TSC22D3: variants seen among roughly 807,000 people sequenced by gnomAD.
TSC22D3 encodes TSC22 domain family member 3.
TSC22D3 carries 4 observed loss-of-function variants against 11.1 expected under a neutral mutation model. That is an observed-to-expected ratio of 0.36 (90% CI 0.18 to 0.83). TSC22D3 has a LOEUF of 0.83. TSC22D3 is among the 40% of genes least tolerant of loss of function. The pLI, the probability that TSC22D3 is intolerant of heterozygous loss-of-function variation, is 0.48. For missense variants in TSC22D3, 118 were observed against 159.4 expected (o/e 0.74, Z 1.40); for synonymous variants, 77 against 70.3 (o/e 1.10, Z -0.48).
At chrX:107,726,559 G>A (rs1444656329) in intron 1 of TSC22D3, among the ~76,000 whole-genome samples, 3 of 112,812 alleles carry the variant, frequency 2.7e-5, no homozygotes, top group African/African-American at 9.7e-5. Flanking sequence ...CCAAGGACAG[G>A]GTTCTTTTAA....
At chrX:107,748,066 G>A (rs949443541) in intron 1 of TSC22D3, among the ~76,000 whole-genome samples, 6 of 111,446 alleles carry the variant, frequency 5.4e-5, no homozygotes, top group African/African-American at 1.3e-4. Context: ...CACTGCCCAC[G>A]GCCTTCTTCA....
chrX:107,727,991 A>G (rs1467132038), intron 1 of TSC22D3, among the ~76,000 whole-genome samples: 1 of 111,925 alleles, frequency 8.9e-6, no homozygotes, highest in Admixed American at 9.5e-5. Flanking sequence ...GTCAGACAGG[A>G]CCACGACTGA....
intron 1 of TSC22D3, among the ~76,000 whole-genome samples, chrX:107,749,178 TACACACAC>T (rs61681572): frequency 0.073 from 6,394 of 87,136 alleles, 234 homozygotes; most frequent in Middle Eastern, 0.2. Context: ...CTACTAAAAA[TACACACAC>T]ACACACACAC....
At chrX:107,757,177 C>T (rs770239792) in intron 1 of TSC22D3, among the ~76,000 whole-genome samples, 69 of 112,802 alleles carry the variant, frequency 6.1e-4, no homozygotes, top group African/African-American at 2.2e-3. Flanking sequence ...CGTGTCCACC[C>T]TCTGGGAGTG....
chrX:107,715,807 A>C, intron 2 of TSC22D3, 92 bp downstream of exon 2: 1 of 1,096,179 alleles, frequency 9.1e-7, no homozygotes, highest in Non-Finnish European at 1.3e-6. Flanking sequence ...GTTTTGGCTA[A>C]GGGCTTTTTC....
At chrX:107,717,175 T>C in intron 1 of TSC22D3, 1 of 643,912 alleles carries the variant, frequency 1.6e-6, no homozygotes, top group Non-Finnish European at 1.9e-6. Flanking sequence ...TTAAACCACA[T>C]CCCCTCCCTG....
chrX:107,741,369 G>A (rs1928394395), intron 1 of TSC22D3, among the ~76,000 whole-genome samples: 1 of 112,438 alleles, frequency 8.9e-6, no homozygotes, highest in South Asian at 3.7e-4. Context: ...CCACACCCCA[G>A]CAAGGGGAGA....
chrX:107,715,934 C>T lies in TSC22D3; in HGVS notation c.337G>A (p.Val113Met). 8.3e-7 allele frequency: 1 copy of T among 1,211,399 alleles called. No individual in the cohort carries two copies. The highest frequency in any genetic ancestry group is 1.8e-5 in the South Asian group (1 of 56,961). Residue 113 changes from valine to methionine, a missense_variant, in exon 2 of 3, where the codon GTG becomes ATG. Physicochemically the swap from Val to Met is conservative, Grantham distance 21. Coordinates refer to ENST00000372383, the MANE Select transcript of TSC22D3 (RefSeq NM_198057.3). ...TCGATCTTGTTGTCTATGGCCACCACGCTGGCTCCGGAGGCACTGCCAAGA... is the reference window on the plus strand; with the variant it reads ...TCGATCTTGTTGTCTATGGCCACCATGCTGGCTCCGGAGGCACTGCCAAGA... Reference protein sequence around the residue: ...LFFHSASGASVVAIDNKIEQA... With the variant: ...LFFHSASGASMVAIDNKIEQA...
chrX:107,718,441 T>A (rs1436021720), intron 1 of TSC22D3, among the ~76,000 whole-genome samples: 2 of 112,776 alleles, frequency 1.8e-5, no homozygotes, highest in Admixed American at 1.9e-4. Flanking sequence ...CAAAGAAAGA[T>A]CCTAACGCAA....
intron 1 of TSC22D3, chrX:107,716,536 C>G: frequency 2.1e-6 from 2 of 961,936 alleles, no homozygotes; most frequent in Middle Eastern, 4.6e-4. Context: ...TGACCCCCCC[C>G]TTCCTGCGTC....
At chrX:107,772,423 G>A (rs934678606) in intron 1 of TSC22D3, among the ~76,000 whole-genome samples, 1 of 112,135 alleles carries the variant, frequency 8.9e-6, no homozygotes, top group Non-Finnish European at 1.9e-5. Flanking sequence ...CTTAGGAGAA[G>A]GCTGTCTACC....
At chrX:107,742,915 G>A (rs983586911) in intron 1 of TSC22D3, among the ~76,000 whole-genome samples, 1 of 112,212 alleles carries the variant, frequency 8.9e-6, no homozygotes, top group East Asian at 2.8e-4. Context: ...AGCAGCGCCC[G>A]TTCCCACAGG....
intron 1 of TSC22D3, among the ~76,000 whole-genome samples, chrX:107,741,899 G>T (rs1928415115): frequency 1.8e-5 from 2 of 111,495 alleles, no homozygotes; most frequent in African/African-American, 6.5e-5. Flanking sequence ...CACACAGCTG[G>T]CAAGAGCCCA....
chrX:107,724,920 C>T (rs1298986454), intron 1 of TSC22D3, among the ~76,000 whole-genome samples: 1 of 112,275 alleles, frequency 8.9e-6, no homozygotes, highest in Non-Finnish European at 1.9e-5. Flanking sequence ...AGAAATGATT[C>T]CCACAGGCTC....
At chrX:107,740,913 G>A (rs1214234226) in intron 1 of TSC22D3, among the ~76,000 whole-genome samples, 2 of 109,623 alleles carry the variant, frequency 1.8e-5, no homozygotes, top group South Asian at 3.9e-4. Flanking sequence ...CCCAGAGTCC[G>A]GGTCACCAGA....
At chrX:107,755,858 C>T (rs1484283151) in intron 1 of TSC22D3, among the ~76,000 whole-genome samples, 1 of 111,966 alleles carries the variant, frequency 8.9e-6, no homozygotes, top group Non-Finnish European at 1.9e-5. Flanking sequence ...TCAATGGAGG[C>T]TGGTGAGGAC....
chrX:107,724,534 C>T (rs1277100236), intron 1 of TSC22D3, among the ~76,000 whole-genome samples: 1 of 113,378 alleles, frequency 8.8e-6, no homozygotes, highest in African/African-American at 3.2e-5. Flanking sequence ...CCCCCCTTCC[C>T]CTATGTTGTC....
rs1297503687 is a variant in TSC22D3, at chrX:107,714,455, A to G, written c.*64T>C. 1 of 1,052,450 alleles carries G rather than the reference A, an allele frequency of 9.5e-7. No individual in the cohort carries two copies. Among genetic ancestry groups the G allele is most frequent in the African/African-American group, 1.9e-5 (1 of 52,760 alleles). 86.7% of individuals were successfully genotyped at this position (1,052,450 alleles called of 1,213,427 possible). A position where few individuals can be genotyped will look rare whatever the true frequency, so the allele number is the denominator to read the frequency against. ...TGAGATGATGCTTGGGGAGCCAAAA[A>G]CAAACTGGAAAGAACTAGGTAAAAC... On this transcript the variant is annotated 3_prime_UTR_variant, in exon 3 of 3. Transcript: ENST00000372383.
chrX:107,754,121 A>AT (rs1929064234), intron 1 of TSC22D3, among the ~76,000 whole-genome samples: 1 of 110,240 alleles, frequency 9.1e-6, no homozygotes, highest in African/African-American at 3.3e-5. Flanking sequence ...GGATTTCACT[A>AT]TGTTGGCCAT....
Sources: gnomAD v4.1 joint callset for allele counts (sites outside exome capture counted in the v4.1 genomes callset) on GRCh38, gnomAD v4.1.1 for gene constraint, MANE v1.5 for transcripts, NCBI Gene and HGNC (gene_info 2026-07-23, HGNC 2026-07-21) for gene names.